RAB38: variants seen among roughly 807,000 people sequenced by gnomAD.
The protein encoded by RAB38 is ras-related protein Rab-38.
In RAB38, 15 loss-of-function variants were observed where a neutral mutation model predicts 18.4. The observed-to-expected ratio is 0.82, with a 90% CI of 0.55 to 1.26. The LOEUF (loss-of-function observed/expected upper bound fraction) is 1.26. Among genes scored for constraint, RAB38 ranks in the 50% most tolerant of loss-of-function variants. The pLI is 0.00. For synonymous variants in RAB38, 101 were observed against 104.4 expected (o/e 0.97, Z 0.20); for missense variants, 294 against 267.4 (o/e 1.10, Z -0.69).
chr11:87,970,205 AAAT>A, the RAB38 span, among the ~76,000 whole-genome samples: 1 of 152,072 alleles, frequency 6.6e-6, no homozygotes. Flanking sequence ...GTAATCTAGA[AAAT>A]AATACTTTAA....
chr11:87,946,086 T>G, the RAB38 span, among the ~76,000 whole-genome samples: 1 of 152,178 alleles, frequency 6.6e-6, no homozygotes, highest in African/African-American at 2.4e-5. Flanking sequence ...TCTGATTTTA[T>G]TAGCAATCTC....
chr11:87,808,740 A>G, the RAB38 span, among the ~76,000 whole-genome samples: 1 of 152,170 alleles, frequency 6.6e-6, no homozygotes, highest in Non-Finnish European at 1.5e-5. Flanking sequence ...ATTTCAGTAA[A>G]CTGTATATTT....
At chr11:88,054,702 G>A in the RAB38 span, among the ~76,000 whole-genome samples, 2,200 of 152,358 alleles carry the variant, frequency 0.014, 19 homozygotes, top group Non-Finnish European at 0.02. Flanking sequence ...TGTTCAGGGT[G>A]ATAGATGTGC....
the RAB38 span, among the ~76,000 whole-genome samples, chr11:87,895,788 C>T: frequency 7.1e-4 from 107 of 151,630 alleles, 1 homozygote; most frequent in East Asian, 5.9e-3. Flanking sequence ...GAGACATAGG[C>T]TATGTCTCAT....
At chr11:87,866,046 A>G in the RAB38 span, among the ~76,000 whole-genome samples, 1 of 151,752 alleles carries the variant, frequency 6.6e-6, no homozygotes, top group Non-Finnish European at 1.5e-5. Flanking sequence ...GAGTCTCAGA[A>G]AGTATGAATG....
chr11:87,974,274 A>G, the RAB38 span, among the ~76,000 whole-genome samples: 1 of 151,878 alleles, frequency 6.6e-6, no homozygotes, highest in Non-Finnish European at 1.5e-5. Flanking sequence ...TCCACAGAAA[A>G]AATAGAAGCT....
downstream of RAB38, among the ~76,000 whole-genome samples, chr11:88,109,288 TA>T (rs1396921835): frequency 6.6e-6 from 1 of 152,162 alleles, no homozygotes; most frequent in African/African-American, 2.4e-5. Flanking sequence ...CCCTATTTAA[TA>T]AATGGTGTTA....
At chr11:87,911,031 CTA>C in the RAB38 span, among the ~76,000 whole-genome samples, 6 of 151,904 alleles carry the variant, frequency 3.9e-5, no homozygotes, top group Non-Finnish European at 8.8e-5. Flanking sequence ...GTTGAAAAGA[CTA>C]TCTTTTCTCA....
the RAB38 span, among the ~76,000 whole-genome samples, chr11:87,943,520 T>C: frequency 6.6e-6 from 1 of 152,078 alleles, no homozygotes; most frequent in Non-Finnish European, 1.5e-5. Context: ...GAGAAACAAA[T>C]GATTGATAGA....
chr11:87,832,503 C>T, the RAB38 span, among the ~76,000 whole-genome samples: 2 of 152,134 alleles, frequency 1.3e-5, no homozygotes, highest in African/African-American at 4.8e-5. Flanking sequence ...AGATTATTGG[C>T]AGAATCTAGT....
At chr11:87,888,384 A>G in the RAB38 span, among the ~76,000 whole-genome samples, 2 of 152,118 alleles carry the variant, frequency 1.3e-5, no homozygotes, top group Non-Finnish European at 2.9e-5. Context: ...AAGTGAAAGC[A>G]TGTGATAATG....
the RAB38 span, among the ~76,000 whole-genome samples, chr11:87,925,271 A>G: frequency 6.6e-6 from 1 of 152,088 alleles, no homozygotes; most frequent in East Asian, 1.9e-4. Context: ...GACTTAATTC[A>G]AACGCCAATT....
At chr11:88,104,610 G>A in the RAB38 span, among the ~76,000 whole-genome samples, 1 of 152,062 alleles carries the variant, frequency 6.6e-6, no homozygotes, top group Non-Finnish European at 1.5e-5. Context: ...TGGTGTTGCT[G>A]TGACTAAGCA....
chr11:88,074,786 C>T, the RAB38 span, among the ~76,000 whole-genome samples: 1 of 152,176 alleles, frequency 6.6e-6, no homozygotes, highest in East Asian at 1.9e-4. Context: ...TAAGAAGACT[C>T]AATTATAAGC....
At chr11:87,844,433 C>G in the RAB38 span, among the ~76,000 whole-genome samples, 2 of 152,122 alleles carry the variant, frequency 1.3e-5, no homozygotes, top group African/African-American at 4.8e-5. Flanking sequence ...AACTTTATGA[C>G]AGAGGAATCA....
At chr11:88,028,705 G>A in the RAB38 span, among the ~76,000 whole-genome samples, 4 of 152,156 alleles carry the variant, frequency 2.6e-5, no homozygotes, top group Non-Finnish European at 5.9e-5. Flanking sequence ...AATGAACAAA[G>A]CCTCCAAGAA....
At chr11:87,873,418 G>T in the RAB38 span, among the ~76,000 whole-genome samples, 75 of 151,562 alleles carry the variant, frequency 4.9e-4, no homozygotes, top group African/African-American at 1.7e-3. Flanking sequence ...TCTCTTGACA[G>T]TATTTTTTGC....
the RAB38 span, among the ~76,000 whole-genome samples, chr11:88,009,396 A>C: frequency 6.6e-6 from 1 of 152,184 alleles, no homozygotes; most frequent in Non-Finnish European, 1.5e-5. Flanking sequence ...ACAAAGGAAA[A>C]TATCCCATCT....
chr11:88,059,295 C>G, the RAB38 span, among the ~76,000 whole-genome samples: 18 of 152,208 alleles, frequency 1.2e-4, no homozygotes, highest in African/African-American at 4.3e-4. Context: ...GTAGTGATTT[C>G]TTTCAATTGA....
Sources: allele counts gnomAD v4.1 joint callset (sites outside exome capture counted in the v4.1 genomes callset), GRCh38; gene constraint gnomAD v4.1.1; transcripts MANE v1.5; gene names NCBI Gene and HGNC (gene_info 2026-07-23, HGNC 2026-07-21).